SENP6: variants seen among roughly 807,000 people sequenced by gnomAD.
The protein encoded by SENP6 is SUMO specific peptidase 6, also known as sentrin-specific protease 6.
SENP6 carries 41 observed loss-of-function variants against 134.5 expected under a neutral mutation model. The observed-to-expected ratio is 0.30, with a 90% CI of 0.24 to 0.40. The LOEUF is 0.40. SENP6 is among the 10% of genes least tolerant of loss of function. The probability of loss-of-function intolerance (pLI) is 1.00; values close to 1 mark genes in which losing one functional copy is unlikely to be tolerated. For missense variants in SENP6, 1,248 were observed against 1,312.5 expected (o/e 0.95, Z 0.76); for synonymous variants, 395 against 429.8 (o/e 0.92, Z 1.00).
At chr6:75,711,216 A>C in intron 20 of SENP6, 112 bp from the exon 21 acceptor site, 1 of 667,978 alleles carries the variant, frequency 1.5e-6, no homozygotes, top group Non-Finnish European at 2.5e-6. Flanking sequence ...TAAATAGAGA[A>C]AAAGTTTTGA....
In SENP6 at chr6:75,713,675, G is replaced by A; in HGVS notation, c.2979G>A (p.Glu993=). The A allele has an allele frequency of 6.2e-7, 1 of 1,608,612 alleles. No individual in the cohort carries two copies. Among genetic ancestry groups the A allele is most frequent in the Non-Finnish European group, 8.5e-7 (1 of 1,175,980 alleles). The change falls in exon 23 of 24, where the codon GAG becomes GAA. Residue 993 remains glutamate (E), a splice_region_variant and synonymous_variant. Coordinates refer to ENST00000447266, the MANE Select transcript of SENP6 (RefSeq NM_015571.4). ...SRSNVVKILR[E]YLEVEWEVKK... Reference sequence around the variant, plus strand: ...TCTTAATATATATGAATTATTGCAGGTATTTAGAAGTGGAATGGGAAGTTA... The same window carrying A: ...TCTTAATATATATGAATTATTGCAGATATTTAGAAGTGGAATGGGAAGTTA...
intron 2 of SENP6, among the ~76,000 whole-genome samples, chr6:75,623,149 T>G (rs1768401461): frequency 6.6e-6 from 1 of 152,020 alleles, no homozygotes; most frequent in South Asian, 2.1e-4. Context: ...AATAAATAGC[T>G]GAGTTGTCTT....
At chr6:75,708,870 G>A (rs913956130) in intron 19 of SENP6, among the ~76,000 whole-genome samples, 1 of 151,950 alleles carries the variant, frequency 6.6e-6, no homozygotes, top group African/African-American at 2.4e-5. Context: ...CTCCAGCCTG[G>A]GCGACAGAGC....
chr6:75,688,493 G>A (rs12192223), intron 16 of SENP6, among the ~76,000 whole-genome samples: 14,608 of 152,246 alleles, frequency 0.096, 726 homozygotes, highest in Non-Finnish European at 0.11. Context: ...GCTGAGAGCT[G>A]CAGACCGGAG....
chr6:75,656,749 C>T (rs1184929855), intron 7 of SENP6, among the ~76,000 whole-genome samples: 1 of 152,160 alleles, frequency 6.6e-6, no homozygotes, highest in Non-Finnish European at 1.5e-5. Context: ...TCAAAAGTCT[C>T]AGCTTAACTT....
intron 17 of SENP6, 42 bp downstream of exon 17, chr6:75,695,965 C>T: frequency 7.3e-6 from 11 of 1,515,962 alleles, no homozygotes; most frequent in Non-Finnish European, 9.8e-6. Context: ...GTAAGTCACT[C>T]ACATTTAACT....
intron 7 of SENP6, among the ~76,000 whole-genome samples, chr6:75,651,258 C>T (rs1021813725): frequency 4.6e-5 from 7 of 151,822 alleles, no homozygotes; most frequent in African/African-American, 1.7e-4. Flanking sequence ...CATATATTGT[C>T]CCTGAATGTA....
rs1043042767 is a variant in SENP6 at position 75,656,461 on chromosome 6, T to C, written c.551-2801T>C. 2.0e-5 allele frequency among the ~76,000 whole-genome samples: 3 copies of C among 152,150 alleles called. No homozygotes were observed. In the East Asian group the frequency reaches 5.8e-4, roughly 29 times the overall value. ...TCTGTGATCAGTTAGCTAGTAAAAC[T>C]TCCACAGGCCACTTACTAAGTATTT... On this transcript the variant is annotated intron_variant, in intron 7 of 23. Transcript: ENST00000447266.
intron 7 of SENP6, among the ~76,000 whole-genome samples, chr6:75,650,204 T>A (rs1047446099): frequency 2.0e-5 from 3 of 152,224 alleles, no homozygotes; most frequent in African/African-American, 7.2e-5. Flanking sequence ...AATGATGTTG[T>A]GGCATTCTCA....
chr6:75,642,218 A>T (rs1770083579), intron 6 of SENP6, among the ~76,000 whole-genome samples: 1 of 152,262 alleles, frequency 6.6e-6, no homozygotes, highest in African/African-American at 2.4e-5. Flanking sequence ...GGATACAGTG[A>T]TGAACAAAGC....
At chr6:75,705,769 T>C (rs541581734) in intron 19 of SENP6, among the ~76,000 whole-genome samples, 3 of 151,798 alleles carry the variant, frequency 2.0e-5, no homozygotes, top group African/African-American at 7.2e-5. Flanking sequence ...CTCATGGAAC[T>C]AATGAATCTT....
chr6:75,657,872 AAGAG>A (rs1771467242), intron 7 of SENP6, among the ~76,000 whole-genome samples: 1 of 152,210 alleles, frequency 6.6e-6, no homozygotes, highest in Admixed American at 6.5e-5. Context: ...GTGAGGGTAA[AAGAG>A]AGAACACATG....
intron 2 of SENP6, chr6:75,622,698 A>G: frequency 1.1e-6 from 1 of 905,172 alleles, no homozygotes; most frequent in Non-Finnish European, 1.5e-6. Flanking sequence ...TAAATATGTT[A>G]AAGAAATTTT....
chr6:75,689,124 G>T (rs1488133646), intron 16 of SENP6, among the ~76,000 whole-genome samples: 1 of 152,176 alleles, frequency 6.6e-6, no homozygotes, highest in Non-Finnish European at 1.5e-5. Flanking sequence ...CTATTGAGGA[G>T]GCTGAGATGG....
chr6:75,686,050 C>A (rs1225945500), intron 16 of SENP6, among the ~76,000 whole-genome samples: 4 of 149,616 alleles, frequency 2.7e-5, no homozygotes, highest in South Asian at 2.1e-4. Context: ...GTAGGTCACT[C>A]AGAACTTGCT....
At chr6:75,650,057 G>A (rs1770752802) in intron 7 of SENP6, among the ~76,000 whole-genome samples, 1 of 152,090 alleles carries the variant, frequency 6.6e-6, no homozygotes. Flanking sequence ...ATCCCACATA[G>A]CATTTGTCAT....
At chr6:75,676,840 A>G in intron 13 of SENP6, 190 bp from the exon 14 acceptor site, 1 of 486,780 alleles carries the variant, frequency 2.1e-6, no homozygotes, top group Admixed American at 3.6e-5. Context: ...AACTTAGGTG[A>G]CATTGGCATG....
chr6:75,657,802 CA>C (rs927716508), intron 7 of SENP6, among the ~76,000 whole-genome samples: 2 of 152,048 alleles, frequency 1.3e-5, no homozygotes, highest in African/African-American at 4.8e-5. Flanking sequence ...AGCTTCTTAA[CA>C]AAGAAGAGTT....
intron 1 of SENP6, 104 bp downstream of exon 1, chr6:75,602,680 G>T: frequency 8.3e-7 from 1 of 1,202,724 alleles, no homozygotes; most frequent in Non-Finnish European, 1.2e-6. Context: ...GGGTTTCGGG[G>T]GCGGTGAAGT....
Sources: allele counts gnomAD v4.1 joint callset (sites outside exome capture counted in the v4.1 genomes callset), GRCh38; gene constraint gnomAD v4.1.1; transcripts MANE v1.5; gene names NCBI Gene and HGNC (gene_info 2026-07-23, HGNC 2026-07-21).